Variants in ROBO2 observed in about 807,000 individuals in gnomAD.
The protein encoded by ROBO2 is roundabout guidance receptor 2.
ROBO2 carries 53 observed loss-of-function variants against 160.8 expected under a neutral mutation model. The ratio of observed to expected loss-of-function variants is 0.33; its 90% CI spans 0.26 to 0.41. The LOEUF is 0.41. ROBO2 is among the 10% of genes least tolerant of loss of function. ROBO2 has a pLI of 1.00. For synonymous variants in ROBO2, 664 were observed against 611.7 expected (o/e 1.09, Z -1.26); for missense variants, 1,577 against 1,722.4 (o/e 0.92, Z 1.49).
Position 76,717,808 on chromosome 3 carries a change from G to T in ROBO2, c.110-380206G>T, listed in dbSNP as rs184703112. Among the ~76,000 whole-genome samples, 1,105 of 151,652 alleles carry T rather than the reference G, an allele frequency of 7.3e-3. 24 individuals are homozygous for T. Among genetic ancestry groups the T allele is most frequent in the African/African-American group, 0.025 (1,043 of 40,992 alleles). ...GAGTTTTACTGGCTGTGCAAGATTT[G>T]CTTGGCCATAACCAAGATTTGCAGG... On this transcript the variant is annotated intron_variant, in intron 2 of 26. Transcript: ENST00000487694.
chr3:76,924,813 A>AT (rs1340044630), intron 2 of ROBO2, among the ~76,000 whole-genome samples: 1 of 152,206 alleles, frequency 6.6e-6, no homozygotes, highest in Non-Finnish European at 1.5e-5. Flanking sequence ...CAGAATTTTC[A>AT]TTTTTTAAAT....
chr3:77,052,233 C>T (rs1388451000), intron 1 of ROBO2, among the ~76,000 whole-genome samples: 6 of 152,144 alleles, frequency 3.9e-5, no homozygotes, highest in Non-Finnish European at 8.8e-5. Flanking sequence ...GTCCACTTTG[C>T]TCCCATTTTC....
chr3:77,088,019 G>T (rs2069579117), intron 1 of ROBO2, among the ~76,000 whole-genome samples: 1 of 152,064 alleles, frequency 6.6e-6, no homozygotes. Flanking sequence ...GGCTCTACCT[G>T]TCACTGGGGC....
chr3:76,576,444 CCAAT>C (rs2085295180), intron 2 of ROBO2, among the ~76,000 whole-genome samples: 1 of 151,978 alleles, frequency 6.6e-6, no homozygotes, highest in Non-Finnish European at 1.5e-5. Flanking sequence ...AGCTTTAAAT[CCAAT>C]CAGTTTGTTC....
intron 2 of ROBO2, among the ~76,000 whole-genome samples, chr3:76,118,502 G>T (rs1553650123): frequency 2.0e-5 from 3 of 152,118 alleles, no homozygotes; most frequent in Non-Finnish European, 4.4e-5. Flanking sequence ...ATATGATGGA[G>T]ATGAGATTCT....
At chr3:76,131,367 A>G (rs1476228813) in intron 2 of ROBO2, among the ~76,000 whole-genome samples, 1 of 152,128 alleles carries the variant, frequency 6.6e-6, no homozygotes, top group African/African-American at 2.4e-5. Context: ...TTCCTTTAGA[A>G]ACTTAACGGA....
In ROBO2 at chr3:77,343,793, A is replaced by T. The variant is rs138877997; in HGVS notation, c.389-133621A>T. 2.1e-3 allele frequency among the ~76,000 whole-genome samples: 324 copies of T among 152,270 alleles called. 8 individuals carry two copies. The highest frequency in any genetic ancestry group is 4.3e-4 in the Non-Finnish European group (29 of 68,012). ...GAAGAAATAAAGGGAGTAAACAAACACCAGGCAAAAAGAATGGCAAGTACA... is the reference window on the plus strand; with the variant it reads ...GAAGAAATAAAGGGAGTAAACAAACTCCAGGCAAAAAGAATGGCAAGTACA... On this transcript the variant is annotated intron_variant, in intron 2 of 25. Coordinates refer to ENST00000461745, the Ensembl canonical transcript of ROBO2.
At chr3:77,588,506 T>C (rs1359491541) in intron 16 of ROBO2, among the ~76,000 whole-genome samples, 1 of 151,962 alleles carries the variant, frequency 6.6e-6, no homozygotes, top group East Asian at 1.9e-4. Flanking sequence ...ATCAACTACG[T>C]TGTGAATCCA....
intron 2 of ROBO2, among the ~76,000 whole-genome samples, chr3:76,734,962 G>A (rs918570467): frequency 4.6e-5 from 7 of 152,194 alleles, no homozygotes; most frequent in African/African-American, 1.7e-4. Flanking sequence ...TTCCTCGCTA[G>A]AATGCTTATG....
intron 2 of ROBO2, chr3:77,317,033 C>A: frequency 6.5e-7 from 1 of 1,527,638 alleles, no homozygotes; most frequent in Non-Finnish European, 9.1e-7. Flanking sequence ...ATGGAGCCGC[C>A]AAACTCTGTC....
intron 2 of ROBO2, among the ~76,000 whole-genome samples, chr3:76,737,672 G>A (rs556371168): frequency 1.1e-4 from 16 of 152,248 alleles, no homozygotes; most frequent in Admixed American, 3.3e-4. Flanking sequence ...CTTTCAGCAT[G>A]TAGATGGACA....
intron 1 of ROBO2, among the ~76,000 whole-genome samples, chr3:77,041,189 C>A (rs1287095211): frequency 1.3e-5 from 2 of 152,208 alleles, no homozygotes; most frequent in Non-Finnish European, 2.9e-5. Flanking sequence ...TGCCTGCTCT[C>A]TATTTGATGT....
intron 2 of ROBO2, among the ~76,000 whole-genome samples, chr3:76,953,454 G>C (rs2079070684): frequency 6.6e-6 from 1 of 152,106 alleles, no homozygotes; most frequent in South Asian, 2.1e-4. Flanking sequence ...TGAGGGCATT[G>C]AACTCAAACT....
intron 2 of ROBO2, among the ~76,000 whole-genome samples, chr3:76,233,589 C>T (rs1295415213): frequency 6.6e-6 from 1 of 152,286 alleles, no homozygotes; most frequent in Admixed American, 6.5e-5. Context: ...CAAATACAAC[C>T]TACGCATCAG....
chr3:77,034,639 G>C (rs1456851649), intron 2 of ROBO2, among the ~76,000 whole-genome samples: 1 of 151,896 alleles, frequency 6.6e-6, no homozygotes, highest in African/African-American at 2.4e-5. Flanking sequence ...ATGCCTCAAA[G>C]AGATTCAGTG....
At chr3:77,285,307 G>A (rs563961989) in intron 2 of ROBO2, among the ~76,000 whole-genome samples, 13 of 151,996 alleles carry the variant, frequency 8.6e-5, no homozygotes, top group Admixed American at 6.6e-4. Context: ...CAAGAAGAAC[G>A]AAATATTAAA....
chr3:76,273,038 AAT>A (rs1258281746), intron 2 of ROBO2, among the ~76,000 whole-genome samples: 1 of 101,950 alleles, frequency 9.8e-6, no homozygotes, highest in Non-Finnish European at 1.8e-5. Flanking sequence ...ATATTTATAA[AAT>A]ATATATTATA....
At chr3:77,359,196 G>A (rs72897266) in intron 2 of ROBO2, among the ~76,000 whole-genome samples, 7,209 of 152,248 alleles carry the variant, frequency 0.047, 404 homozygotes, top group African/African-American at 0.13. Flanking sequence ...TCAGGGACAC[G>A]TTCACTGAAC....
intron 2 of ROBO2, among the ~76,000 whole-genome samples, chr3:77,128,812 A>G (rs1579225593): frequency 6.6e-6 from 1 of 152,184 alleles, no homozygotes; most frequent in East Asian, 1.9e-4. Context: ...AACCTTGGTT[A>G]TTTCCTTTGA....
Sources: gnomAD v4.1 joint callset for allele counts (sites outside exome capture counted in the v4.1 genomes callset) on GRCh38, gnomAD v4.1.1 for gene constraint, MANE v1.5 for transcripts, NCBI Gene and HGNC (gene_info 2026-07-23, HGNC 2026-07-21) for gene names.